The following IL5RA variants were observed in gnomAD, a reference collection of about 807,000 sequenced individuals.
IL5RA encodes interleukin-5 receptor subunit alpha.
IL5RA carries 49 observed loss-of-function variants against 50.0 expected under a neutral mutation model. The ratio of observed to expected loss-of-function variants is 0.98; its 90% CI spans 0.78 to 1.24. IL5RA has a LOEUF of 1.24. Among genes scored for constraint, IL5RA ranks in the 50% most tolerant of loss-of-function variants. The pLI is 0.00. For missense variants in IL5RA, 600 were observed against 500.4 expected, an observed-to-expected ratio of 1.20 and a Z score of -1.90; for synonymous variants, 202 against 174.0, an observed-to-expected ratio of 1.16 and a Z score of -1.26.
chr3:3,076,909 A>G (rs1191658600), intron 9 of IL5RA, among the ~76,000 whole-genome samples: 1 of 152,234 alleles, frequency 6.6e-6, no homozygotes, highest in African/African-American at 2.4e-5. Context: ...GCAAATATTT[A>G]TGGCATTCAT....
intron 9 of IL5RA, among the ~76,000 whole-genome samples, chr3:3,086,391 A>G (rs1401184957): frequency 6.6e-6 from 1 of 152,242 alleles, no homozygotes; most frequent in Non-Finnish European, 1.5e-5. Flanking sequence ...AGGAGACAGC[A>G]AAGATAACAA....
At chr3:3,082,871 T>G (rs956705649) in intron 9 of IL5RA, among the ~76,000 whole-genome samples, 3 of 152,252 alleles carry the variant, frequency 2.0e-5, no homozygotes, top group African/African-American at 7.2e-5. Context: ...AAATTCTGCA[T>G]GTAAGTATGA....
At position 3,074,795 on chromosome 3, in the gene IL5RA, G is replaced by T; in HGVS notation, c.1163C>A (p.Thr388Asn). The T allele has an allele frequency of 6.3e-7, 1 of 1,598,778 alleles. No homozygotes were observed. Among genetic ancestry groups the T allele is most frequent in the Non-Finnish European group, 8.6e-7 (1 of 1,166,116 alleles). The change falls in exon 11 of 12, where the codon ACC becomes AAC. Residue 388 changes from threonine to asparagine, a missense_variant. By Grantham distance (65) the Thr-to-Asn change is moderately conservative. Transcript: ENST00000446632. ...TTTCAACATTACCTCATAGTTAGTG[G>T]TTACAAAGAGATCTTTGATATTACT... ...PKSNIKDLFV[T>N]TNYEKAGSSE...
At chr3:3,101,659 C>G (rs776550829) in intron 5 of IL5RA, 33 bp downstream of exon 5, 2 of 1,600,802 alleles carry the variant, frequency 1.2e-6, no homozygotes, top group Non-Finnish European at 1.7e-6. Context: ...AAGTCCAAAA[C>G]ATACAAACTG....
rs1192711603 is a variant in IL5RA at position 3,073,865 on chromosome 3, G to T, written c.1176+917C>A. 4 of 431,980 alleles carry T rather than the reference G, an allele frequency of 9.3e-6. No homozygotes were observed. In the Admixed American group the frequency reaches 1.1e-4, roughly 12 times the overall value. The allele number at this position is 431,980 out of a possible 1,614,324, so 26.8% of individuals were successfully genotyped here. A position where few individuals can be genotyped will look rare whatever the true frequency, so the allele number is the denominator to read the frequency against. On this transcript the variant is annotated intron_variant, in intron 11 of 11. Coordinates refer to ENST00000446632, the MANE Select transcript of IL5RA (RefSeq NM_175726.4). ...AACAAATTTTTAAAAAATCACTTTT[G>T]GAGGCCTTCCACAAATGGTCTCGTG...
Position 3,070,021 on chromosome 3 carries a change from T to A in IL5RA, c.*204A>T, listed in dbSNP as rs932193749. 6 of 504,704 alleles carry A rather than the reference T, an allele frequency of 1.2e-5. No individual in the cohort carries two copies. Among genetic ancestry groups the A allele is most frequent in the Non-Finnish European group, 2.1e-5 (6 of 280,978 alleles). 31.3% of individuals were successfully genotyped at this position (504,704 alleles called of 1,614,324 possible). A position where few individuals can be genotyped will look rare whatever the true frequency, so the allele number is the denominator to read the frequency against. ...TGGCAAAATGCTTGGATGAGTCAAC[T>A]TCCCTGCTGTAGGTGAGGCGATTTG... On this transcript the variant is annotated 3_prime_UTR_variant, in exon 12 of 12. Coordinates refer to ENST00000446632, the MANE Select transcript of IL5RA (RefSeq NM_175726.4).
chr3:3,104,823 G>C, intron 3 of IL5RA, 80 bp downstream of exon 3: 6 of 864,256 alleles, frequency 6.9e-6, no homozygotes, highest in Non-Finnish European at 9.5e-6. Context: ...CTAATCGACA[G>C]TTTAAGAGGA....
intron 7 of IL5RA, among the ~76,000 whole-genome samples, chr3:3,096,016 C>T (rs1377855976): frequency 2.6e-5 from 4 of 152,188 alleles, no homozygotes; most frequent in African/African-American, 7.2e-5. Context: ...TGGGGGCTCA[C>T]GCCTGTAATC....
At chr3:3,085,068 C>A (rs1266951217) in intron 9 of IL5RA, among the ~76,000 whole-genome samples, 1 of 152,228 alleles carries the variant, frequency 6.6e-6, no homozygotes, top group African/African-American at 2.4e-5. Context: ...GTGGGATGAC[C>A]ACAGGCGTGA....
Position 3,095,353 on chromosome 3 carries a change from G to C in IL5RA, c.801C>G (p.Ile267Met), listed in dbSNP as rs1444227803. The C allele has an allele frequency of 4.4e-6, 7 of 1,608,948 alleles. No homozygotes were observed. The highest frequency in any genetic ancestry group is 1.1e-5 in the South Asian group (1 of 90,888). Residue 267 changes from isoleucine to methionine, a missense_variant, in exon 8 of 12, where the codon ATC (isoleucine) becomes ATG (methionine). By Grantham distance (10) the Ile-to-Met change is conservative (BLOSUM62 1). Coordinates refer to ENST00000446632, the MANE Select transcript of IL5RA (RefSeq NM_175726.4). ...QWEKPVSAFP[I>M]HCFDYEVKIH... Reference sequence around the variant, plus strand: ...TTTTTACTTCATAATCAAAGCAATGGATTGGAAAAGCAGACACTGGTTTCT... The same window carrying C: ...TTTTTACTTCATAATCAAAGCAATGCATTGGAAAAGCAGACACTGGTTTCT...
rs1392696718 is a variant in IL5RA, at chr3:3,068,584, C to A, written c.*1641G>T. Reference sequence around the variant, plus strand: ...AACAAGACTGTCTCCACCACCCACCCCACAAAAAAAAAAAAAAAAAAAAAC... The same window carrying A: ...AACAAGACTGTCTCCACCACCCACCACACAAAAAAAAAAAAAAAAAAAAAC... On this transcript the variant is annotated 3_prime_UTR_variant, in exon 12 of 12. Transcript: ENST00000446632. 1.3e-5 allele frequency: 1 copy of A among 74,974 alleles called. No homozygotes were observed. The highest frequency in any genetic ancestry group is 2.3e-5 in the Non-Finnish European group (1 of 42,896). 4.6% of individuals were successfully genotyped at this position (74,974 alleles called of 1,614,324 possible).
chr3:3,094,437 G>C (rs1703263472), intron 8 of IL5RA, among the ~76,000 whole-genome samples: 1 of 152,186 alleles, frequency 6.6e-6, no homozygotes, highest in Non-Finnish European at 1.5e-5. Flanking sequence ...GCATGTGTCA[G>C]AATCTCCTTC....
rs542667679 is a variant in IL5RA, at chr3:3,078,376, A to T, written c.995-1749T>A. Among the ~76,000 whole-genome samples the T allele has an allele frequency of 7.7e-4, 118 of 152,272 alleles. 1 individual carries two copies. The highest frequency in any genetic ancestry group is 2.7e-3 in the African/African-American group (111 of 41,558). ...TTTTGCCTCCTGAGGACCCTTATCCAAGCTTTATCTTCTACCTCCCGAAAG... is the reference window on the plus strand; with the variant it reads ...TTTTGCCTCCTGAGGACCCTTATCCTAGCTTTATCTTCTACCTCCCGAAAG... On this transcript the variant is annotated intron_variant, in intron 9 of 11. Transcript: ENST00000446632.
Position 3,067,462 on chromosome 3 carries a change from C to G in IL5RA, c.*2763G>C. 6.6e-6 allele frequency: 1 copy of G among 152,268 alleles called. No individual in the cohort carries two copies. The highest frequency in any genetic ancestry group is 1.9e-4 in the East Asian group (1 of 5,202). The allele number at this position is 152,268 out of a possible 1,614,324, so 9.4% of individuals were successfully genotyped here. A position where few individuals can be genotyped will look rare whatever the true frequency, so the allele number is the denominator to read the frequency against. Reference sequence around the variant, plus strand: ...TGCAGATAAAAAGACGTATTTCACACAAGCTCCATCCTCCTGGAAGCCGCA... The same window carrying G: ...TGCAGATAAAAAGACGTATTTCACAGAAGCTCCATCCTCCTGGAAGCCGCA... On this transcript the variant is annotated 3_prime_UTR_variant, in exon 12 of 12. Coordinates refer to ENST00000446632, the MANE Select transcript of IL5RA (RefSeq NM_175726.4).
At chr3:3,080,842 G>A (rs989900015) in intron 9 of IL5RA, among the ~76,000 whole-genome samples, 4 of 151,986 alleles carry the variant, frequency 2.6e-5, no homozygotes, top group Non-Finnish European at 4.4e-5. Flanking sequence ...CCACAGGCAC[G>A]CATCACCATG....
intron 5 of IL5RA, 146 bp from the exon 6 acceptor site, chr3:3,098,436 C>G (rs1024753621): frequency 2.9e-6 from 2 of 697,384 alleles, no homozygotes; most frequent in African/African-American, 3.6e-5. Flanking sequence ...GAGACAGAGC[C>G]TCACTCTGTC....
chr3:3,076,267 A>T (rs933416817), intron 10 of IL5RA, among the ~76,000 whole-genome samples: 1 of 152,168 alleles, frequency 6.6e-6, no homozygotes, highest in Non-Finnish European at 1.5e-5. Flanking sequence ...CCTTCACAGA[A>T]ATTAAAAGCT....
intron 7 of IL5RA, 77 bp downstream of exon 7, chr3:3,097,793 T>G: frequency 1.4e-6 from 2 of 1,454,878 alleles, no homozygotes; most frequent in Non-Finnish European, 1.9e-6. Context: ...TAAAACTAGG[T>G]GATCTTTATA....
At chr3:3,083,048 T>A (rs1003211326) in intron 9 of IL5RA, among the ~76,000 whole-genome samples, 2 of 152,102 alleles carry the variant, frequency 1.3e-5, no homozygotes, top group African/African-American at 4.8e-5. Context: ...ACCAACAGGG[T>A]TGGATAATTG....
Sources: gnomAD v4.1 joint callset for allele counts (sites outside exome capture counted in the v4.1 genomes callset) on GRCh38, gnomAD v4.1.1 for gene constraint, MANE v1.5 for transcripts, NCBI Gene and HGNC (gene_info 2026-07-23, HGNC 2026-07-21) for gene names.